Variants in FAAH2 observed in about 807,000 individuals in gnomAD.
FAAH2 encodes fatty-acid amide hydrolase 2.
Under a neutral mutation model 36.9 loss-of-function variants are expected in FAAH2, and 60 were observed. The ratio of observed to expected loss-of-function variants is 1.63; its 90% CI spans 1.32 to 2.02. The LOEUF is 2.02. Ranked by LOEUF, FAAH2 falls within the 30% of genes most tolerant of loss-of-function variation. FAAH2 has a pLI of 0.00. For synonymous variants in FAAH2, 214 were observed against 143.8 expected (o/e 1.49, Z -3.49); for missense variants, 689 against 397.5 (o/e 1.73, Z -6.23).
At chrX:57,365,441 G>A (rs973456465) in intron 5 of FAAH2, among the ~76,000 whole-genome samples, 2 of 111,419 alleles carry the variant, frequency 1.8e-5, no homozygotes, top group African/African-American at 6.5e-5. Context: ...AGCCTGATGG[G>A]GTTCCATTTG....
chrX:57,389,995 G>A (rs1441404529), intron 7 of FAAH2, among the ~76,000 whole-genome samples: 1 of 109,023 alleles, frequency 9.2e-6, no homozygotes, highest in Non-Finnish European at 1.9e-5. Context: ...TGTCTCCTTT[G>A]AAGAAATGTC....
chrX:57,245,501 C>T, the FAAH2 span, among the ~76,000 whole-genome samples: 26 of 111,810 alleles, frequency 2.3e-4, no homozygotes, highest in African/African-American at 8.4e-4. Context: ...TCAGGAAATG[C>T]AAAACAATGG....
the FAAH2 span, chrX:57,134,693 C>G: frequency 9.0e-6 from 1 of 111,640 alleles, no homozygotes; most frequent in Non-Finnish European, 1.9e-5. Flanking sequence ...TGGCACATCT[C>G]TTAAGTTCTG....
At chrX:57,416,383 T>A (rs1393052900) in intron 7 of FAAH2, among the ~76,000 whole-genome samples, 1 of 111,395 alleles carries the variant, frequency 9.0e-6, no homozygotes. Context: ...TTCCTTTCCA[T>A]GTTTAGTGCT....
chrX:57,449,889 C>T (rs1030458296), intron 10 of FAAH2, among the ~76,000 whole-genome samples: 4 of 111,688 alleles, frequency 3.6e-5, no homozygotes, highest in Admixed American at 1.9e-4. Flanking sequence ...TGGTCTTGAA[C>T]TCCTGACCTC....
At chrX:57,356,484 T>G (rs1175701826) in intron 5 of FAAH2, among the ~76,000 whole-genome samples, 3 of 111,112 alleles carry the variant, frequency 2.7e-5, no homozygotes, top group African/African-American at 6.5e-5. Flanking sequence ...ACTCTTAGTA[T>G]GTTGTGTGTT....
At chrX:57,179,374 A>T in the FAAH2 span, among the ~76,000 whole-genome samples, 1 of 111,768 alleles carries the variant, frequency 8.9e-6, no homozygotes, top group Admixed American at 9.5e-5. Flanking sequence ...TCTTCAAGAG[A>T]CCCATCTCAC....
the FAAH2 span, among the ~76,000 whole-genome samples, chrX:57,152,457 G>A: frequency 8.9e-6 from 1 of 112,713 alleles, no homozygotes; most frequent in African/African-American, 3.2e-5. Flanking sequence ...ACCTAATCAA[G>A]CCTGGGCAAT....
chrX:57,274,330 A>G, the FAAH2 span, among the ~76,000 whole-genome samples: 1 of 112,168 alleles, frequency 8.9e-6, no homozygotes, highest in Non-Finnish European at 1.9e-5. Context: ...TACCAGAGGA[A>G]CAAAGAGGAG....
intron 10 of FAAH2, among the ~76,000 whole-genome samples, chrX:57,469,009 G>A (rs867499961): frequency 9.0e-6 from 1 of 111,300 alleles, no homozygotes; most frequent in South Asian, 3.8e-4. Context: ...AGCTTCATAA[G>A]TGAAGGAGAA....
intron 7 of FAAH2, chrX:57,394,522 G>C (rs940352479): frequency 4.1e-6 from 5 of 1,206,419 alleles, no homozygotes; most frequent in Admixed American, 2.2e-5. Flanking sequence ...GGTTAAGGTT[G>C]TTATACTGAA....
intron 7 of FAAH2, among the ~76,000 whole-genome samples, chrX:57,400,775 G>A (rs963385563): frequency 8.9e-6 from 1 of 112,327 alleles, no homozygotes; most frequent in African/African-American, 3.2e-5. Flanking sequence ...TGTTAGCTGA[G>A]CTGAGCCTTT....
At chrX:57,379,545 T>TCACACA (rs773400915) in intron 6 of FAAH2, among the ~76,000 whole-genome samples, 1 of 70,458 alleles carries the variant, frequency 1.4e-5, no homozygotes, top group Non-Finnish European at 2.6e-5. Flanking sequence ...TCTCTCTCTC[T>TCACACA]CACACACACA....
intron 10 of FAAH2, among the ~76,000 whole-genome samples, chrX:57,465,323 G>A (rs1366540774): frequency 1.8e-5 from 2 of 111,353 alleles, no homozygotes; most frequent in Non-Finnish European, 3.8e-5. Flanking sequence ...AGTAAGAAAA[G>A]ATGAATCAAA....
intron 2 of FAAH2, among the ~76,000 whole-genome samples, chrX:57,304,707 G>T (rs763048062): frequency 8.9e-6 from 1 of 111,964 alleles, no homozygotes; most frequent in South Asian, 3.8e-4. Context: ...AAGGGAAAAA[G>T]TGGATTTTGG....
chrX:57,426,631 C>T (rs1431430580), intron 7 of FAAH2, among the ~76,000 whole-genome samples: 1 of 111,633 alleles, frequency 9.0e-6, no homozygotes, highest in Non-Finnish European at 1.9e-5. Context: ...GGAAATTAAA[C>T]AACATGTTCC....
At chrX:57,386,340 G>A (rs971335304) in intron 7 of FAAH2, among the ~76,000 whole-genome samples, 3 of 111,423 alleles carry the variant, frequency 2.7e-5, no homozygotes, top group African/African-American at 9.8e-5. Context: ...GAAATGTTAA[G>A]ACTTATAAGT....
intron 6 of FAAH2, among the ~76,000 whole-genome samples, chrX:57,379,409 C>A (rs1285191832): frequency 9.0e-6 from 1 of 110,701 alleles, no homozygotes; most frequent in Non-Finnish European, 1.9e-5. Flanking sequence ...TTCCATTTTG[C>A]TTTAGCATAT....
At chrX:57,439,239 T>G (rs1228594257) in intron 8 of FAAH2, among the ~76,000 whole-genome samples, 1 of 109,652 alleles carries the variant, frequency 9.1e-6, no homozygotes, top group African/African-American at 3.4e-5. Flanking sequence ...GTGTTCCTAT[T>G]TCTCCACATC....
Sources: gnomAD v4.1 joint callset for allele counts (sites outside exome capture counted in the v4.1 genomes callset) on GRCh38, gnomAD v4.1.1 for gene constraint, MANE v1.5 for transcripts, NCBI Gene and HGNC (gene_info 2026-07-23, HGNC 2026-07-21) for gene names.